Variants in PPM1D observed in about 807,000 individuals in gnomAD.
The protein encoded by PPM1D is protein phosphatase, Mg2+/Mn2+ dependent 1D.
In PPM1D, 52 loss-of-function variants were observed where a neutral mutation model predicts 58.3. The ratio of observed to expected loss-of-function variants is 0.89; its 90% CI spans 0.71 to 1.12. The LOEUF is 1.12. Ranked by LOEUF, PPM1D falls within the 50% of genes most tolerant of loss-of-function variation. PPM1D has a pLI of 0.00. For synonymous variants in PPM1D, 278 were observed against 285.1 expected (o/e 0.98, Z 0.25); for missense variants, 564 against 777.2 (o/e 0.73, Z 3.26).
Position 60,650,629 on chromosome 17 carries a change from G to C in PPM1D, c.1017+2547G>C, listed in dbSNP as rs963171033. Among the ~76,000 whole-genome samples, 5 of 152,176 alleles carry C rather than the reference G, an allele frequency of 3.3e-5. No homozygotes were observed. The East Asian group carries it at 9.7e-4, about 29-fold the overall frequency. On this transcript the variant is annotated intron_variant, in intron 4 of 5. Transcript: ENST00000305921. Reference sequence around the variant, plus strand: ...TTGACAGCTCTTATGTTTATAAGGAGGAAGAATATGATGACACCTAAATTT... The same window carrying C: ...TTGACAGCTCTTATGTTTATAAGGACGAAGAATATGATGACACCTAAATTT...
At chr17:60,646,466 C>T (rs1355046438) in intron 3 of PPM1D, among the ~76,000 whole-genome samples, 2 of 152,106 alleles carry the variant, frequency 1.3e-5, no homozygotes, top group Non-Finnish European at 2.9e-5. Context: ...TGTTTAACCT[C>T]TTGTCTGAAA....
At chr17:60,640,067 C>T (rs1437995506) in intron 3 of PPM1D, among the ~76,000 whole-genome samples, 1 of 152,152 alleles carries the variant, frequency 6.6e-6, no homozygotes, top group Non-Finnish European at 1.5e-5. Flanking sequence ...ACCCATAATT[C>T]TAACACTTTG....
chr17:60,610,385 C>T (rs187179994), intron 1 of PPM1D, among the ~76,000 whole-genome samples: 5 of 152,180 alleles, frequency 3.3e-5, no homozygotes, highest in Admixed American at 6.5e-5. Flanking sequence ...AGCTCTAGTT[C>T]GTTCATTTTC....
chr17:60,648,949 G>A (rs554463054), intron 4 of PPM1D, among the ~76,000 whole-genome samples: 1 of 151,660 alleles, frequency 6.6e-6, no homozygotes, highest in South Asian at 2.1e-4. Context: ...ATTTTTAGTA[G>A]AGATGGGGTT....
chr17:60,659,658 G>C (rs1254539370), intron 5 of PPM1D, among the ~76,000 whole-genome samples: 5 of 152,234 alleles, frequency 3.3e-5, no homozygotes, highest in Non-Finnish European at 7.3e-5. Flanking sequence ...GGAGGAGAAA[G>C]TTGATCTCTG....
At chr17:60,638,144 T>C (rs1247257179) in intron 3 of PPM1D, among the ~76,000 whole-genome samples, 2 of 152,210 alleles carry the variant, frequency 1.3e-5, no homozygotes, top group East Asian at 1.9e-4. Flanking sequence ...GAAGTTACTT[T>C]ACTTCAACAT....
chr17:60,623,420 C>T (rs967958865), intron 1 of PPM1D, 101 bp from the exon 2 acceptor site: 33 of 1,141,156 alleles, frequency 2.9e-5, no homozygotes, highest in South Asian at 1.5e-4. Flanking sequence ...TGTGCTAATT[C>T]GAATGTTAAC....
Position 60,664,154 on chromosome 17 carries a change from T to C in PPM1D, c.*602T>C, listed in dbSNP as rs2031580491. 1 of 153,014 alleles carries C rather than the reference T, an allele frequency of 6.5e-6. No homozygotes were observed. Among genetic ancestry groups the C allele is most frequent in the Non-Finnish European group, 1.5e-5 (1 of 68,326 alleles). The allele number at this position is 153,014 out of a possible 1,614,324, so 9.5% of individuals were successfully genotyped here. ...TAGTCTTGTCCCAATTAAAATACTA[T>C]GCAGTATCTCTTACATCAGTAGCAT... is the stretch of plus-strand genomic sequence containing the variant. On this transcript the variant is annotated 3_prime_UTR_variant, in exon 6 of 6. Transcript: ENST00000305921.
At chr17:60,648,165 A>G (rs1257312851) in intron 4 of PPM1D, 83 bp downstream of exon 4, 1 of 1,432,346 alleles carries the variant, frequency 7.0e-7, no homozygotes, top group African/African-American at 1.4e-5. Flanking sequence ...TGAACTAAGG[A>G]CATTGACCTT....
intron 3 of PPM1D, among the ~76,000 whole-genome samples, chr17:60,636,874 T>A (rs1358965029): frequency 6.6e-6 from 1 of 151,964 alleles, no homozygotes; most frequent in Non-Finnish European, 1.5e-5. Context: ...GACGTCTCGC[T>A]TTGCCCAGGT....
intron 5 of PPM1D, chr17:60,662,369 T>G (rs1246111410): frequency 6.6e-6 from 1 of 152,204 alleles, no homozygotes; most frequent in Admixed American, 6.6e-5. Flanking sequence ...GTGTCATCTT[T>G]GCACAGGGGC....
chr17:60,603,696 G>A (rs1328030123), intron 1 of PPM1D, among the ~76,000 whole-genome samples: 1 of 152,120 alleles, frequency 6.6e-6, no homozygotes, highest in African/African-American at 2.4e-5. Context: ...CCCGCGAGGC[G>A]GAGGTTGCAG....
chr17:60,658,844 C>T (rs2031483552), intron 5 of PPM1D, among the ~76,000 whole-genome samples: 1 of 152,046 alleles, frequency 6.6e-6, no homozygotes, highest in Non-Finnish European at 1.5e-5. Context: ...TGCCTGTAAT[C>T]CCAGCTACTT....
Position 60,623,739 on chromosome 17 carries a change from C to G in PPM1D, c.691C>G (p.Leu231Val). ...CAAGGAAAGAGAACGAATCGAAGGA[C>G]TTGGTGGGAGGTAACATTCTGTCGT... The part of the protein sequence containing the change: ...LPKERERIEG[L>V]GGSVMNKSGV... Residue 231 changes from leucine (L) to valine (V), a missense_variant, in exon 2 of 6, where the codon CTT becomes GTT. This residue lies in a region of PPM1D where 95 missense variants were observed against 232.6 expected (regional missense o/e 0.41). Coordinates refer to ENST00000305921, the MANE Select transcript of PPM1D (RefSeq NM_003620.4). 1 of 1,614,016 alleles carries G rather than the reference C, an allele frequency of 6.2e-7. No individual in the cohort carries two copies. Among genetic ancestry groups the G allele is most frequent in the East Asian group, 2.2e-5 (1 of 44,886 alleles).
chr17:60,645,644 G>GTA (rs779663452), intron 3 of PPM1D, among the ~76,000 whole-genome samples: 4 of 133,106 alleles, frequency 3.0e-5, no homozygotes, highest in Non-Finnish European at 6.2e-5. Flanking sequence ...ATGTGTGTGT[G>GTA]TGTATATATA....
At chr17:60,652,550 GTTTTTTT>G (rs776162517) in intron 4 of PPM1D, among the ~76,000 whole-genome samples, 25 of 67,630 alleles carry the variant, frequency 3.7e-4, no homozygotes, top group South Asian at 1.9e-3. Flanking sequence ...GTTTACTTCT[GTTTTTTT>G]TTTTTTTTTT....
chr17:60,626,412 T>G (rs1202079977), intron 2 of PPM1D, among the ~76,000 whole-genome samples: 3 of 151,642 alleles, frequency 2.0e-5, no homozygotes, highest in African/African-American at 7.3e-5. Context: ...TTTTTTTTTT[T>G]GAAACGGAGT....
Position 60,645,524 on chromosome 17 carries a change from A to ATATATATGTGTATATATATG in PPM1D, c.827-2361_827-2360insGTGTATATATATGTATATAT, listed in dbSNP as rs765126501. 1.7e-3 allele frequency among the ~76,000 whole-genome samples: 189 copies of ATATATATGTGTATATATATG among 114,420 alleles called. 3 individuals carry two copies. Among genetic ancestry groups the ATATATATGTGTATATATATG allele is most frequent in the African/African-American group, 0.011 (178 of 15,802 alleles). 75.1% of individuals were successfully genotyped at this position (114,420 alleles called of 152,430 possible). A position where few individuals can be genotyped will look rare whatever the true frequency, so the allele number is the denominator to read the frequency against. On this transcript the variant is annotated intron_variant, in intron 3 of 5. Coordinates refer to ENST00000305921, the MANE Select transcript of PPM1D (RefSeq NM_003620.4). The stretch of plus-strand genomic sequence containing the variant: ...TATATATATATGTGTATATATATGT[A>ATATATATGTGTATATATATG]TATATATATGTGTATATATATGTAT...
At chr17:60,615,582 G>A (rs182338860) in intron 1 of PPM1D, among the ~76,000 whole-genome samples, 5 of 151,906 alleles carry the variant, frequency 3.3e-5, no homozygotes, top group African/African-American at 1.2e-4. Context: ...TAAATTTAGT[G>A]CAGTTTCAAT....
Sources: gnomAD v4.1 joint callset for allele counts (sites outside exome capture counted in the v4.1 genomes callset) on GRCh38, gnomAD v4.1.1 for gene constraint, gnomAD v4.1.1 regional missense constraint, MANE v1.5 for transcripts, NCBI Gene and HGNC (gene_info 2026-07-23, HGNC 2026-07-21) for gene names.